PCDHGA3: variants seen among roughly 807,000 people sequenced by gnomAD.
The protein encoded by PCDHGA3 is protocadherin gamma-A3.
In PCDHGA3, 40 loss-of-function variants were observed where a neutral mutation model predicts 58.5. The observed-to-expected ratio is 0.68, with a 90% confidence interval of 0.53 to 0.89. PCDHGA3 has a LOEUF of 0.89. PCDHGA3 is among the 40% of genes least tolerant of loss of function. PCDHGA3 has a pLI of 0.00. For missense variants in PCDHGA3, 1,223 were observed against 1,195.9 expected (o/e 1.02, Z -0.33); for synonymous variants, 530 against 525.7 (o/e 1.01, Z -0.11).
chr5:141,382,017 C>T (rs1288762588), intron 1 of PCDHGA3, among the ~76,000 whole-genome samples: 2 of 151,562 alleles, frequency 1.3e-5, no homozygotes, highest in African/African-American at 2.4e-5. Flanking sequence ...TTAGTAGAGA[C>T]GGGGTTTCTC....
intron 1 of PCDHGA3, chr5:141,413,967 G>A: frequency 6.2e-7 from 1 of 1,613,428 alleles, no homozygotes; most frequent in Non-Finnish European, 8.5e-7. Context: ...TGGGCACTCA[G>A]CTGCTGACAG....
At chr5:141,355,480 G>A in intron 1 of PCDHGA3, 1 of 1,614,048 alleles carries the variant, frequency 6.2e-7, no homozygotes, top group Admixed American at 1.7e-5. Context: ...AGACAGGGAG[G>A]AGCTCTGCGA....
At chr5:141,374,332 C>T (rs759827582) in intron 1 of PCDHGA3, 3 of 1,613,984 alleles carry the variant, frequency 1.9e-6, no homozygotes, top group South Asian at 2.2e-5. Context: ...GAAACGGCAG[C>T]TTGGTCACCG....
At chr5:141,356,931 G>A (rs1760396765) in intron 1 of PCDHGA3, 2 of 1,614,074 alleles carry the variant, frequency 1.2e-6, no homozygotes, top group Non-Finnish European at 1.7e-6. Context: ...GTGTGGAGCT[G>A]GCACCCCGCT....
intron 1 of PCDHGA3, chr5:141,417,544 C>A: frequency 3.2e-6 from 1 of 308,860 alleles, no homozygotes; most frequent in Non-Finnish European, 5.9e-6. Context: ...AAAAAAATTC[C>A]TTGAAAGAGG....
At chr5:141,361,578 G>T in intron 1 of PCDHGA3, 3 of 1,614,036 alleles carry the variant, frequency 1.9e-6, no homozygotes, top group Non-Finnish European at 2.5e-6. Context: ...ACCCTGACTT[G>T]GGCCCCAGTG....
intron 1 of PCDHGA3, among the ~76,000 whole-genome samples, chr5:141,426,066 A>T (rs1488003387): frequency 6.6e-6 from 1 of 152,196 alleles, no homozygotes; most frequent in Admixed American, 6.5e-5. Context: ...CAAGAACTGG[A>T]GCCTGGGATC....
chr5:141,348,803 C>G (rs1358376859), intron 1 of PCDHGA3, among the ~76,000 whole-genome samples: 1 of 152,142 alleles, frequency 6.6e-6, no homozygotes, highest in African/African-American at 2.4e-5. Context: ...CTTAAGAAAA[C>G]AGATAATAGG....
intron 1 of PCDHGA3, chr5:141,419,070 T>G: frequency 6.2e-7 from 1 of 1,613,926 alleles, no homozygotes; most frequent in Non-Finnish European, 8.5e-7. Context: ...TACTACAAGC[T>G]AGTAACAGAT....
At chr5:141,414,472 A>C (rs1039987036) in intron 1 of PCDHGA3, 5 of 1,613,796 alleles carry the variant, frequency 3.1e-6, no homozygotes, top group African/African-American at 1.3e-5. Flanking sequence ...AGATGGGGGA[A>C]GTCCTCCTCT....
At chr5:141,399,652 G>A in intron 1 of PCDHGA3, 1 of 1,613,758 alleles carries the variant, frequency 6.2e-7, no homozygotes, top group Non-Finnish European at 8.5e-7. Flanking sequence ...GCAAAGTGGG[G>A]TGGTGTTCGC....
At chr5:141,372,579 C>A in intron 1 of PCDHGA3, 1 of 1,614,048 alleles carries the variant, frequency 6.2e-7, no homozygotes, top group Non-Finnish European at 8.5e-7. Flanking sequence ...CTACTTTCAG[C>A]CTGGTGTCTG....
At chr5:141,351,198 T>G (rs2149761411) in intron 1 of PCDHGA3, 1 of 1,614,050 alleles carries the variant, frequency 6.2e-7, no homozygotes, top group Middle Eastern at 1.6e-4. Flanking sequence ...AGATATGTGT[T>G]GAGTGTGGAA....
At position 141,344,818 on chromosome 5, in the gene PCDHGA3, T is replaced by A. The variant is rs758739920; in HGVS notation, c.785T>A (p.Leu262His). ...AACGTGCCTGTGGGTACCCGGCTGC[T>A]CACGGTGAATGCCACTGACCCTGAC... Reference protein sequence around the residue: ...WENVPVGTRLLTVNATDPDEG... With the variant: ...WENVPVGTRLHTVNATDPDEG... The change falls in exon 1 of 4, where the codon CTC (leucine) becomes CAC (histidine). Residue 262 changes from leucine (L) to histidine (H), a missense_variant. By Grantham distance (99) the Leu-to-His change is moderately conservative. Around this residue, in one of 3 missense-constraint regions of PCDHGA3, gnomAD observed 791 missense variants for 708.5 expected, o/e 1.12. Transcript: ENST00000253812. 6.8e-6 allele frequency: 11 copies of A among 1,613,878 alleles called. No homozygotes were observed. The highest frequency in any genetic ancestry group is 1.7e-5 in the Admixed American group (1 of 60,002).
At chr5:141,455,389 G>C (rs1190144149) in intron 1 of PCDHGA3, among the ~76,000 whole-genome samples, 1 of 152,114 alleles carries the variant, frequency 6.6e-6, no homozygotes, top group Non-Finnish European at 1.5e-5. Flanking sequence ...GAAGGAAGGA[G>C]CTCCCCCTTA....
At position 141,393,204 on chromosome 5, in the gene PCDHGA3, C is replaced by G. The variant is rs373432896; in HGVS notation, c.2424+46747C>G. On this transcript the variant is annotated intron_variant, in intron 1 of 3. Transcript: ENST00000253812. ...AATAATTGATATTAACGATAATAAC[C>G]CAAAATTCCAGGTCGAAGATCTAGA... 7 of 1,613,342 alleles carry G rather than the reference C, an allele frequency of 4.3e-6. No homozygotes were observed. In the East Asian group the frequency reaches 1.6e-4, roughly 36 times the overall value.
chr5:141,475,989 A>G, intron 1 of PCDHGA3: 1 of 1,130,622 alleles, frequency 8.8e-7, no homozygotes, highest in Non-Finnish European at 1.3e-6. Flanking sequence ...CCGGCGAGCA[A>G]ATCAACGGCA....
At chr5:141,510,378 C>T (rs919650449) in intron 3 of PCDHGA3, among the ~76,000 whole-genome samples, 1 of 151,688 alleles carries the variant, frequency 6.6e-6, no homozygotes, top group African/African-American at 2.4e-5. Flanking sequence ...TCTACTCGTG[C>T]CAGGCCTTGC....
chr5:141,356,292 A>G, intron 1 of PCDHGA3: 1 of 1,555,616 alleles, frequency 6.4e-7, no homozygotes, highest in Non-Finnish European at 8.7e-7. Flanking sequence ...CCCCGGGTAC[A>G]GTAATTGCAC....
Sources: allele counts gnomAD v4.1 joint callset (sites outside exome capture counted in the v4.1 genomes callset), GRCh38; gene constraint gnomAD v4.1.1; regional missense constraint gnomAD v4.1.1; transcripts MANE v1.5; gene names NCBI Gene and HGNC (gene_info 2026-07-23, HGNC 2026-07-21).